DMD: variants seen among roughly 807,000 people sequenced by gnomAD.
The protein encoded by DMD is dystrophin.
DMD carries 63 observed loss-of-function variants against 330.1 expected under a neutral mutation model. The observed-to-expected ratio is 0.19, with a 90% CI of 0.16 to 0.24. DMD has a LOEUF of 0.24. DMD is among the 10% of genes least tolerant of loss of function. DMD has a pLI of 1.00. For synonymous variants in DMD, 1,223 were observed against 959.8 expected, an observed-to-expected ratio of 1.27 and a Z score of -5.07; for missense variants, 3,344 against 2,684.1, an observed-to-expected ratio of 1.25 and a Z score of -5.43.
At chrX:32,919,793 G>C (rs2088209420) in intron 2 of DMD, among the ~76,000 whole-genome samples, 1 of 111,254 alleles carries the variant, frequency 9.0e-6, no homozygotes, top group Non-Finnish European at 1.9e-5. Context: ...TATAGACTTT[G>C]ATATTCAATT....
chrX:33,298,179 G>T (rs2053610835), intron 1 of DMD, among the ~76,000 whole-genome samples: 1 of 111,017 alleles, frequency 9.0e-6, no homozygotes, highest in Admixed American at 9.7e-5. Flanking sequence ...ATGATCAACT[G>T]ATTTTCACTA....
At chrX:32,994,693 T>A (rs2093069190) in intron 2 of DMD, among the ~76,000 whole-genome samples, 1 of 111,823 alleles carries the variant, frequency 8.9e-6, no homozygotes, top group Non-Finnish European at 1.9e-5. Context: ...TAGACAACAT[T>A]CTGACCACAA....
At chrX:32,718,115 T>A (rs953109746) in intron 7 of DMD, among the ~76,000 whole-genome samples, 8 of 110,852 alleles carry the variant, frequency 7.2e-5, no homozygotes, top group Non-Finnish European at 1.3e-4. Flanking sequence ...TGGGAAAGCA[T>A]GATTGTATTT....
intron 60 of DMD, among the ~76,000 whole-genome samples, chrX:31,389,607 A>T (rs1429920317): frequency 8.9e-6 from 1 of 112,250 alleles, no homozygotes; most frequent in Non-Finnish European, 1.9e-5. Context: ...TTAAAAAATC[A>T]TTTCTACACT....
intron 44 of DMD, among the ~76,000 whole-genome samples, chrX:32,066,601 G>T (rs1402256670): frequency 9.0e-6 from 1 of 111,415 alleles, no homozygotes; most frequent in African/African-American, 3.3e-5. Flanking sequence ...GAGATCTAGA[G>T]CCCTGTTGCA....
chrX:32,967,904 G>A (rs1049108353), intron 2 of DMD, among the ~76,000 whole-genome samples: 3 of 111,883 alleles, frequency 2.7e-5, no homozygotes, highest in African/African-American at 9.7e-5. Flanking sequence ...GACCTGTCCA[G>A]TTAGCTTTTA....
intron 22 of DMD, 150 bp downstream of exon 22, chrX:32,472,014 T>G (rs1264730971): frequency 2.7e-5 from 18 of 655,893 alleles, no homozygotes; most frequent in Non-Finnish European, 4.2e-5. Context: ...TATGCATAAA[T>G]AATACTGTAA....
chrX:32,315,821 C>CTT (rs1225062212), intron 41 of DMD, among the ~76,000 whole-genome samples: 2 of 111,791 alleles, frequency 1.8e-5, no homozygotes, highest in African/African-American at 6.5e-5. Flanking sequence ...AAGAAAATCT[C>CTT]TTTTAGAAGA....
At chrX:33,255,165 CAT>C (rs757615911) in intron 1 of DMD, among the ~76,000 whole-genome samples, 2 of 110,820 alleles carry the variant, frequency 1.8e-5, no homozygotes, top group East Asian at 5.6e-4. Flanking sequence ...AAACTTAAGA[CAT>C]TGAGCAAATG....
intron 1 of DMD, among the ~76,000 whole-genome samples, chrX:33,221,193 T>G: frequency 9.0e-6 from 1 of 111,294 alleles, no homozygotes; most frequent in East Asian, 2.8e-4. Context: ...TAGGGCCAGA[T>G]TTTCTGCATT....
chrX:32,457,554 CG>C (rs1215656457), intron 25 of DMD, among the ~76,000 whole-genome samples: 2 of 110,576 alleles, frequency 1.8e-5, no homozygotes, highest in Non-Finnish European at 3.8e-5. Context: ...GATCCAGGTA[CG>C]TAAGTGGAAA....
chrX:33,081,475 T>C (rs1281301427), intron 1 of DMD, among the ~76,000 whole-genome samples: 1 of 111,829 alleles, frequency 8.9e-6, no homozygotes, highest in African/African-American at 3.3e-5. Context: ...GGTTTCACCA[T>C]GTTGGCCAGG....
intron 7 of DMD, among the ~76,000 whole-genome samples, chrX:32,781,125 G>GAAAAAA (rs59738615): frequency 1.8e-5 from 1 of 57,040 alleles, no homozygotes; most frequent in African/African-American, 5.7e-5. Context: ...CTCAAAAAAA[G>GAAAAAA]AAAAAAAAAA....
At chrX:32,364,751 C>A (rs776241556) in intron 35 of DMD, 41 bp from the exon 36 acceptor site, 1 of 1,177,035 alleles carries the variant, frequency 8.5e-7, no homozygotes, top group East Asian at 3.0e-5. Flanking sequence ...ATTGGTTAGA[C>A]AATATTCTTA....
chrX:31,951,407 G>C (rs2095178088), intron 45 of DMD, among the ~76,000 whole-genome samples: 1 of 106,591 alleles, frequency 9.4e-6, no homozygotes, highest in African/African-American at 3.4e-5. Flanking sequence ...TCAACTTTTA[G>C]TTGCAATTAC....
intron 44 of DMD, among the ~76,000 whole-genome samples, chrX:32,189,512 C>G (rs146920606): frequency 0.016 from 1,736 of 111,002 alleles, 11 homozygotes; most frequent in South Asian, 0.045. Context: ...GTGACAGAGA[C>G]TATTTGGGCC....
chrX:32,573,118 C>A (rs2052616088), intron 15 of DMD, among the ~76,000 whole-genome samples: 1 of 111,250 alleles, frequency 9.0e-6, no homozygotes, highest in Non-Finnish European at 1.9e-5. Flanking sequence ...TCAGGTACCC[C>A]TTTATAATAA....
intron 21 of DMD, among the ~76,000 whole-genome samples, chrX:32,484,006 C>A (rs950668591): frequency 4.5e-4 from 49 of 110,086 alleles, no homozygotes; most frequent in Non-Finnish European, 6.9e-4. Context: ...ATATATTTTC[C>A]AACTAATTTA....
chrX:31,986,690 G>A (rs751884828), intron 44 of DMD, among the ~76,000 whole-genome samples: 1 of 112,079 alleles, frequency 8.9e-6, no homozygotes, highest in Non-Finnish European at 1.9e-5. Context: ...GATTACAGGC[G>A]TGAGCCACTG....
Sources: allele counts gnomAD v4.1 joint callset (sites outside exome capture counted in the v4.1 genomes callset), GRCh38; gene constraint gnomAD v4.1.1; transcripts MANE v1.5; gene names NCBI Gene and HGNC (gene_info 2026-07-23, HGNC 2026-07-21).